The following GHR variants were observed in gnomAD, a reference collection of about 807,000 sequenced individuals.
GHR encodes GH receptor.
In GHR, 35 loss-of-function variants were observed where a neutral mutation model predicts 67.1. The observed-to-expected ratio is 0.52, with a 90% CI of 0.40 to 0.69. The LOEUF (loss-of-function observed/expected upper bound fraction) is 0.69, where lower values mean the gene tolerates loss of function less well. GHR is among the 30% of genes least tolerant of loss of function. The probability of loss-of-function intolerance (pLI) is 0.00; values close to 1 mark genes in which losing one functional copy is unlikely to be tolerated. For missense variants in GHR, 792 were observed against 764.6 expected, an observed-to-expected ratio of 1.04 and a Z score of -0.42; for synonymous variants, 272 against 269.1, an observed-to-expected ratio of 1.01 and a Z score of -0.10.
chr5:42,477,293 T>C (rs1278428531), intron 1 of GHR, among the ~76,000 whole-genome samples: 7 of 152,146 alleles, frequency 4.6e-5, no homozygotes, highest in East Asian at 1.9e-4. Flanking sequence ...GTTGGACATT[T>C]GGGTTGGTTC....
intron 3 of GHR, among the ~76,000 whole-genome samples, chr5:42,681,935 C>CAAAAAAAAA (rs11443605): frequency 2.5e-5 from 2 of 79,534 alleles, no homozygotes; most frequent in Non-Finnish European, 4.5e-5. Context: ...GACTCCGTCT[C>CAAAAAAAAA]AAAAAAAAAA....
chr5:42,712,126 T>C (rs1469250594), intron 7 of GHR, among the ~76,000 whole-genome samples: 1 of 152,074 alleles, frequency 6.6e-6, no homozygotes, highest in Non-Finnish European at 1.5e-5. Context: ...AAAACAGAAG[T>C]TTACAGGGCT....
chr5:42,648,459 T>C (rs1275670089), intron 3 of GHR, among the ~76,000 whole-genome samples: 2 of 152,176 alleles, frequency 1.3e-5, no homozygotes, highest in African/African-American at 2.4e-5. Flanking sequence ...TGTATGTTTA[T>C]GTACAACACA....
At chr5:42,676,284 A>T (rs984001222) in intron 3 of GHR, among the ~76,000 whole-genome samples, 1 of 143,466 alleles carries the variant, frequency 7.0e-6, no homozygotes, top group Admixed American at 6.9e-5. Flanking sequence ...ACTCCATATA[A>T]AAAAAAAAGG....
At chr5:42,627,447 G>A (rs974331224) in intron 2 of GHR, among the ~76,000 whole-genome samples, 1 of 152,212 alleles carries the variant, frequency 6.6e-6, no homozygotes, top group African/African-American at 2.4e-5. Context: ...TATGAGAGGA[G>A]AAATCATACT....
At chr5:42,642,515 G>T (rs1245643359) in intron 3 of GHR, among the ~76,000 whole-genome samples, 1 of 152,146 alleles carries the variant, frequency 6.6e-6, no homozygotes, top group Non-Finnish European at 1.5e-5. Context: ...CTAGTGGGTT[G>T]TTAGTATAGA....
At chr5:42,624,574 G>A (rs925296795) in intron 2 of GHR, among the ~76,000 whole-genome samples, 1 of 152,186 alleles carries the variant, frequency 6.6e-6, no homozygotes, top group Non-Finnish European at 1.5e-5. Context: ...TGAATTTGGA[G>A]ATAAGTATAC....
intron 2 of GHR, among the ~76,000 whole-genome samples, chr5:42,591,695 T>C (rs62371988): frequency 0.21 from 31,270 of 152,086 alleles, 3,876 homozygotes; most frequent in Middle Eastern, 0.32. Context: ...TCCACTGTCC[T>C]TGCTACCAGG....
rs551243554 is a variant in GHR, at chr5:42,543,100, G to A, written c.-11-22764G>A. On this transcript the variant is annotated intron_variant, in intron 1 of 9. Transcript: ENST00000230882. ...GAGCTGTGCTGTGATAAACATACATGAGCAGGTATCTTTTTGATATAATGA... is the reference window on the plus strand; with the variant it reads ...GAGCTGTGCTGTGATAAACATACATAAGCAGGTATCTTTTTGATATAATGA... 3.3e-5 allele frequency among the ~76,000 whole-genome samples: 5 copies of A among 152,154 alleles called. No homozygotes were observed. In the South Asian group the frequency reaches 6.2e-4, roughly 19 times the overall value.
At chr5:42,623,127 CTAAT>C (rs1753537241) in intron 2 of GHR, among the ~76,000 whole-genome samples, 1 of 152,066 alleles carries the variant, frequency 6.6e-6, no homozygotes, top group Non-Finnish European at 1.5e-5. Flanking sequence ...TTACTTATCA[CTAAT>C]TATATTGTAA....
chr5:42,696,431 GAACTGGA>G (rs2111715633), intron 5 of GHR, among the ~76,000 whole-genome samples: 1 of 152,322 alleles, frequency 6.6e-6, no homozygotes, highest in Non-Finnish European at 1.5e-5. Flanking sequence ...AGTTACCTCT[GAACTGGA>G]ATTGGACTCT....
chr5:42,444,000 C>T (rs377037116), intron 1 of GHR, among the ~76,000 whole-genome samples: 225 of 137,114 alleles, frequency 1.6e-3, no homozygotes, highest in Non-Finnish European at 2.9e-3. Context: ...TAGACATAGA[C>T]ATAGATAGAT....
chr5:42,433,047 C>T (rs1743162988), intron 1 of GHR, among the ~76,000 whole-genome samples: 1 of 152,190 alleles, frequency 6.6e-6, no homozygotes, highest in East Asian at 1.9e-4. Context: ...GTCACTCAAA[C>T]TTCATGACCT....
intron 3 of GHR, among the ~76,000 whole-genome samples, chr5:42,648,731 GTAGTAA>G (rs1754872864): frequency 6.6e-6 from 1 of 151,380 alleles, no homozygotes; most frequent in African/African-American, 2.4e-5. Context: ...GGTAGTAATG[GTAGTAA>G]TAGTAAGAGG....
chr5:42,462,737 G>A (rs1203616006), intron 1 of GHR, among the ~76,000 whole-genome samples: 2 of 151,816 alleles, frequency 1.3e-5, no homozygotes, highest in Admixed American at 6.6e-5. Flanking sequence ...TGTATCTAGG[G>A]AGGTCCTCAA....
At chr5:42,443,527 A>G (rs1743671213) in intron 1 of GHR, among the ~76,000 whole-genome samples, 1 of 152,190 alleles carries the variant, frequency 6.6e-6, no homozygotes, top group South Asian at 2.1e-4. Flanking sequence ...TCACAGGATG[A>G]TTCAGGTAGA....
At chr5:42,615,500 T>C (rs1753097518) in intron 2 of GHR, among the ~76,000 whole-genome samples, 1 of 152,090 alleles carries the variant, frequency 6.6e-6, no homozygotes, top group Non-Finnish European at 1.5e-5. Context: ...TAGGAAATGC[T>C]CACTATAAAT....
At chr5:42,467,849 G>C in intron 1 of GHR, 3 of 980,038 alleles carry the variant, frequency 3.1e-6, no homozygotes, top group Non-Finnish European at 4.7e-6. Context: ...AACAGTGTCA[G>C]AATTAAGGCT....
chr5:42,588,551 A>AAAAAAAAAAAAAAAT (rs1751613744), intron 2 of GHR, among the ~76,000 whole-genome samples: 8 of 141,940 alleles, frequency 5.6e-5, no homozygotes, highest in Non-Finnish European at 7.7e-5. Flanking sequence ...AAAAAAAAAA[A>AAAAAAAAAAAAAAAT]GTGACCTATA....
Sources: gnomAD v4.1 joint callset for allele counts (sites outside exome capture counted in the v4.1 genomes callset) on GRCh38, gnomAD v4.1.1 for gene constraint, MANE v1.5 for transcripts, NCBI Gene and HGNC (gene_info 2026-07-23, HGNC 2026-07-21) for gene names.